The following DLGAP2 variants were observed in gnomAD, a reference collection of about 807,000 sequenced individuals.
DLGAP2 encodes DLG associated protein 2.
A neutral mutation model predicts 100.3 loss-of-function variants in DLGAP2; 26 were observed. The ratio of observed to expected loss-of-function variants is 0.26; its 90% CI spans 0.19 to 0.36. The LOEUF is 0.36. Ranked by LOEUF, DLGAP2 falls within the 10% of genes least tolerant of loss-of-function variation. DLGAP2 has a pLI of 1.00. For synonymous variants in DLGAP2, 886 were observed against 630.1 expected, an observed-to-expected ratio of 1.41 and a Z score of -6.08; for missense variants, 1,858 against 1,453.2, an observed-to-expected ratio of 1.28 and a Z score of -4.53.
intron 2 of DLGAP2, among the ~76,000 whole-genome samples, chr8:1,155,531 C>T (rs879362626): frequency 6.7e-6 from 1 of 149,258 alleles, no homozygotes; most frequent in Non-Finnish European, 1.5e-5. Flanking sequence ...AGGCTGTTGA[C>T]GACAGCATAT....
intron 9 of DLGAP2, among the ~76,000 whole-genome samples, chr8:1,669,275 G>A (rs1798626956): frequency 1.3e-5 from 2 of 152,206 alleles, no homozygotes; most frequent in South Asian, 4.1e-4. Flanking sequence ...TGGGCCCCCA[G>A]ATGTCTACCC....
At chr8:1,697,085 C>T (rs1799416932) in intron 13 of DLGAP2, 62 bp from the exon 14 acceptor site, 1 of 1,418,010 alleles carries the variant, frequency 7.1e-7, no homozygotes, top group Non-Finnish European at 9.2e-7. Flanking sequence ...GAGGAGTGGC[C>T]TCCCCAGCCC....
chr8:1,502,588 C>T (rs774911399), intron 4 of DLGAP2, among the ~76,000 whole-genome samples: 2 of 152,180 alleles, frequency 1.3e-5, no homozygotes, highest in East Asian at 1.9e-4. Flanking sequence ...GAAAGTATTT[C>T]GACTTCTCAT....
rs568258318 is a variant in DLGAP2 at position 1,370,336 on chromosome 8, G to T, written c.106+111453G>T. The stretch of plus-strand genomic sequence containing the variant: ...CGTGATTCATCCCAGCCAAACCCTT[G>T]CTCTCCCTGGGCAGGTGGGGTTGCA... On this transcript the variant is annotated intron_variant, in intron 3 of 14. Transcript: ENST00000637795. Among the ~76,000 whole-genome samples, 9 of 152,210 alleles carry T rather than the reference G, an allele frequency of 5.9e-5. No individual in the cohort carries two copies. The South Asian group carries it at 1.2e-3, about 21-fold the overall frequency.
chr8:1,062,359 C>T (rs944297884), intron 2 of DLGAP2, among the ~76,000 whole-genome samples: 5 of 152,202 alleles, frequency 3.3e-5, no homozygotes, highest in African/African-American at 1.2e-4. Flanking sequence ...GAGGCACACT[C>T]GGTCGTCTTG....
chr8:1,614,514 A>T (rs1223071404), intron 6 of DLGAP2, among the ~76,000 whole-genome samples: 1 of 152,206 alleles, frequency 6.6e-6, no homozygotes, highest in African/African-American at 2.4e-5. Context: ...TGTTGCCAGC[A>T]TCACCTCCAG....
intron 6 of DLGAP2, among the ~76,000 whole-genome samples, chr8:1,610,715 C>T (rs1399887578): frequency 2.8e-5 from 4 of 141,796 alleles, no homozygotes; most frequent in Admixed American, 1.4e-4. Context: ...ATATCACCAC[C>T]GATCCCACAG....
In DLGAP2 at chr8:1,241,351, G is replaced by A. The variant is rs192673925; in HGVS notation, c.74-17500G>A. The stretch of plus-strand genomic sequence containing the variant: ...ACTGTGTCTAGTTGTCTCACATGGC[G>A]CCGTGTCTAGTTCTCTCACATGGCG... On this transcript the variant is annotated intron_variant, in intron 2 of 14. Transcript: ENST00000637795. Among the ~76,000 whole-genome samples the A allele has an allele frequency of 2.3e-3, 329 of 145,076 alleles. 2 individuals carry two copies. The highest frequency in any genetic ancestry group is 9.0e-3 in the African/African-American group (320 of 35,572).
chr8:868,936 G>C (rs1797548478), intron 1 of DLGAP2, among the ~76,000 whole-genome samples: 1 of 152,210 alleles, frequency 6.6e-6, no homozygotes, highest in African/African-American at 2.4e-5. Context: ...AAGTGAATAT[G>C]TGACAATTTA....
chr8:1,500,120 G>A (rs1411204725), intron 3 of DLGAP2, among the ~76,000 whole-genome samples: 1 of 152,202 alleles, frequency 6.6e-6, no homozygotes, highest in Non-Finnish European at 1.5e-5. Flanking sequence ...TGCCAAAATG[G>A]TGACAAAGAT....
At chr8:760,451 T>A (rs1419129435) in intron 1 of DLGAP2, among the ~76,000 whole-genome samples, 1 of 152,168 alleles carries the variant, frequency 6.6e-6, no homozygotes, top group Non-Finnish European at 1.5e-5. Flanking sequence ...CTTCAAATAA[T>A]TTCCTAAAGT....
At chr8:1,004,786 G>T (rs78929787) in intron 2 of DLGAP2, among the ~76,000 whole-genome samples, 1 of 152,330 alleles carries the variant, frequency 6.6e-6, no homozygotes, top group South Asian at 2.1e-4. Context: ...TGCCCTTGGT[G>T]GAGAGACCCC....
chr8:1,176,302 C>G (rs35833711), intron 2 of DLGAP2, among the ~76,000 whole-genome samples: 31,944 of 151,414 alleles, frequency 0.21, 4,072 homozygotes, highest in Non-Finnish European at 0.29. Context: ...TCCCTGTGAT[C>G]CAGACACTTT....
intron 2 of DLGAP2, among the ~76,000 whole-genome samples, chr8:1,075,667 G>C (rs529380010): frequency 1.3e-5 from 2 of 152,128 alleles, no homozygotes; most frequent in African/African-American, 4.8e-5. Context: ...TTCTCCTTCA[G>C]GTCCTTTGTG....
chr8:1,181,993 G>A (rs1240868763), intron 2 of DLGAP2, among the ~76,000 whole-genome samples: 1 of 152,248 alleles, frequency 6.6e-6, no homozygotes, highest in Admixed American at 6.5e-5. Context: ...AGAAGGTGAA[G>A]TGGAGCTGTG....
chr8:1,531,614 T>C lies in DLGAP2; in HGVS notation c.173-17012T>C, dbSNP rs571169885. 3.9e-5 allele frequency among the ~76,000 whole-genome samples: 6 copies of C among 152,276 alleles called. No homozygotes were observed. The South Asian group carries it at 6.2e-4, about 16-fold the overall frequency. On this transcript the variant is annotated intron_variant, in intron 4 of 14. Coordinates refer to ENST00000637795, the MANE Select transcript of DLGAP2 (RefSeq NM_001346810.2). Reference sequence around the variant, plus strand: ...ACAAGAATGAAACTCTGTCTCAAAATAAAGTAGATATATTAGTGTTTAGGA... The same window carrying C: ...ACAAGAATGAAACTCTGTCTCAAAACAAAGTAGATATATTAGTGTTTAGGA...
intron 2 of DLGAP2, among the ~76,000 whole-genome samples, chr8:989,007 C>A (rs138436076): frequency 6.6e-6 from 1 of 152,200 alleles, no homozygotes; most frequent in African/African-American, 2.4e-5. Context: ...CCTCCGCTCG[C>A]GGCTCCCTGG....
intron 1 of DLGAP2, among the ~76,000 whole-genome samples, chr8:861,457 T>A (rs1255126436): frequency 1.3e-5 from 2 of 152,170 alleles, no homozygotes; most frequent in African/African-American, 4.8e-5. Context: ...GCTCTGGCCA[T>A]TTAACAGAAA....
At chr8:917,286 TG>T (rs1798615424) in intron 2 of DLGAP2, among the ~76,000 whole-genome samples, 1 of 143,098 alleles carries the variant, frequency 7.0e-6, no homozygotes, top group Admixed American at 7.2e-5. Context: ...TCACCCAGGC[TG>T]GAGTGCAGTG....
Sources: gnomAD v4.1 joint callset for allele counts (sites outside exome capture counted in the v4.1 genomes callset) on GRCh38, gnomAD v4.1.1 for gene constraint, MANE v1.5 for transcripts, NCBI Gene and HGNC (gene_info 2026-07-23, HGNC 2026-07-21) for gene names.